Variants in TAFA5 observed in about 807,000 individuals in gnomAD.
TAFA5 encodes chemokine-like protein TAFA-5.
In TAFA5, 6 loss-of-function variants were observed where a neutral mutation model predicts 15.3. The observed-to-expected ratio is 0.39, with a 90% confidence interval of 0.21 to 0.77. The LOEUF (loss-of-function observed/expected upper bound fraction) is 0.77. Among genes scored for constraint, TAFA5 ranks in the 30% least tolerant of loss-of-function variants. TAFA5 has a pLI of 0.41. For synonymous variants in TAFA5, 103 were observed against 80.7 expected, an observed-to-expected ratio of 1.28 and a Z score of -1.48; for missense variants, 161 against 193.1, an observed-to-expected ratio of 0.83 and a Z score of 0.98.
intron 1 of TAFA5, among the ~76,000 whole-genome samples, chr22:48,496,229 G>A (rs2147093109): frequency 6.6e-6 from 1 of 152,296 alleles, no homozygotes; most frequent in East Asian, 1.9e-4. Flanking sequence ...GTTTTGGGCT[G>A]TGAGCTTGGG....
At position 48,646,658 on chromosome 22, in the gene TAFA5, G is replaced by T. The variant is rs766249919; in HGVS notation, c.174G>T (p.Arg58=). ...VTLDRDSSQP[R]RTIARQTARC... is the part of the protein sequence containing the mutation. ...TGGACCGGGACAGCAGCCAGCCTCGGAGGACGATCGCCCGGCAGACCGCCC... is the reference window on the plus strand; with the variant it reads ...TGGACCGGGACAGCAGCCAGCCTCGTAGGACGATCGCCCGGCAGACCGCCC... Residue 58 remains arginine (R), a synonymous_variant, in exon 2 of 4, where the codon CGG becomes CGT. Coordinates refer to ENST00000402357, the MANE Select transcript of TAFA5 (RefSeq NM_001082967.3). 2.5e-6 allele frequency: 4 copies of T among 1,612,228 alleles called. No homozygotes were observed. The highest frequency in any genetic ancestry group is 3.3e-5 in the Admixed American group (2 of 60,002).
intron 1 of TAFA5, among the ~76,000 whole-genome samples, chr22:48,504,220 G>C (rs1920971892): frequency 6.6e-6 from 1 of 152,238 alleles, no homozygotes; most frequent in Non-Finnish European, 1.5e-5. Context: ...TTGTGGCTCA[G>C]AGATAACCCA....
intron 1 of TAFA5, among the ~76,000 whole-genome samples, chr22:48,581,851 T>C (rs990883130): frequency 2.6e-5 from 4 of 152,166 alleles, no homozygotes; most frequent in African/African-American, 9.7e-5. Flanking sequence ...GGCAGTGGTG[T>C]TCCTGTGTTC....
At chr22:48,546,519 G>A (rs142486751) in intron 1 of TAFA5, 3 of 471,208 alleles carry the variant, frequency 6.4e-6, no homozygotes, top group African/African-American at 6.0e-5. Context: ...TCACCTGGCT[G>A]GGCAGCCCGC....
chr22:48,612,004 G>A (rs940132974), intron 1 of TAFA5, among the ~76,000 whole-genome samples: 22 of 152,256 alleles, frequency 1.4e-4, no homozygotes, highest in African/African-American at 4.8e-4. Flanking sequence ...TTCCTCACCT[G>A]TAATATAATG....
At chr22:48,739,407 G>C (rs1024358151) in intron 3 of TAFA5, among the ~76,000 whole-genome samples, 1 of 152,138 alleles carries the variant, frequency 6.6e-6, no homozygotes, top group Non-Finnish European at 1.5e-5. Context: ...TTCCTTTCCA[G>C]GGCCCTGGCA....
chr22:48,622,748 G>C (rs1201762906), intron 1 of TAFA5, among the ~76,000 whole-genome samples: 1 of 152,256 alleles, frequency 6.6e-6, no homozygotes, highest in Non-Finnish European at 1.5e-5. Flanking sequence ...AGCCCACGCT[G>C]CAGGCTCAGC....
intron 1 of TAFA5, among the ~76,000 whole-genome samples, chr22:48,503,489 A>G (rs1472815649): frequency 6.6e-6 from 1 of 152,216 alleles, no homozygotes; most frequent in Admixed American, 6.5e-5. Flanking sequence ...ACATGGAGGA[A>G]AGAGCAAAAC....
chr22:48,541,801 G>A (rs899638815), intron 1 of TAFA5, among the ~76,000 whole-genome samples: 3 of 152,170 alleles, frequency 2.0e-5, no homozygotes, highest in Admixed American at 1.3e-4. Flanking sequence ...GCCAGGCTCC[G>A]GGTCTTGAGT....
intron 1 of TAFA5, among the ~76,000 whole-genome samples, chr22:48,641,543 C>A (rs1403784475): frequency 1.3e-5 from 2 of 150,540 alleles, no homozygotes; most frequent in African/African-American, 4.9e-5. Context: ...TGCACTCCCT[C>A]CCCTCGCACA....
intron 1 of TAFA5, among the ~76,000 whole-genome samples, chr22:48,637,623 G>A (rs1307884600): frequency 3.3e-5 from 5 of 152,174 alleles, no homozygotes; most frequent in South Asian, 2.1e-4. Context: ...TGCTGGTCTC[G>A]TATCTGTAAT....
chr22:48,518,762 C>G (rs1170613506), intron 1 of TAFA5, among the ~76,000 whole-genome samples: 2 of 152,202 alleles, frequency 1.3e-5, no homozygotes, highest in Non-Finnish European at 2.9e-5. Flanking sequence ...TCCAGCCCAG[C>G]TTTCCGGAGT....
chr22:48,582,620 TACACCAC>T (rs1373990002), intron 1 of TAFA5, among the ~76,000 whole-genome samples: 4 of 92,206 alleles, frequency 4.3e-5, no homozygotes, highest in Admixed American at 1.1e-4. Flanking sequence ...ACACACAAAA[TACACCAC>T]ACACCACACA....
intron 1 of TAFA5, among the ~76,000 whole-genome samples, chr22:48,621,406 C>A (rs1170941673): frequency 6.6e-6 from 1 of 151,938 alleles, no homozygotes; most frequent in Non-Finnish European, 1.5e-5. Context: ...GTGCTCCATC[C>A]ATGGCATCAG....
chr22:48,690,141 G>T (rs1488027780), intron 2 of TAFA5, among the ~76,000 whole-genome samples: 2 of 152,038 alleles, frequency 1.3e-5, no homozygotes, highest in Non-Finnish European at 2.9e-5. Context: ...TGCATGGAAA[G>T]ATGCTCATAA....
chr22:48,517,915 G>T (rs1601844611), intron 1 of TAFA5, among the ~76,000 whole-genome samples: 3 of 152,348 alleles, frequency 2.0e-5, no homozygotes, highest in Non-Finnish European at 1.5e-5. Context: ...GCGCTCACAT[G>T]TGACGGTGCG....
At chr22:48,619,736 G>A (rs1404198061) in intron 1 of TAFA5, among the ~76,000 whole-genome samples, 1 of 152,240 alleles carries the variant, frequency 6.6e-6, no homozygotes, top group Non-Finnish European at 1.5e-5. Context: ...CAGCATGGGC[G>A]TCACGCTGCC....
intron 3 of TAFA5, among the ~76,000 whole-genome samples, chr22:48,740,814 G>T (rs1930158900): frequency 6.6e-6 from 1 of 152,186 alleles, no homozygotes; most frequent in African/African-American, 2.4e-5. Context: ...CCCCCGGCAG[G>T]CCTCACAATT....
intron 1 of TAFA5, among the ~76,000 whole-genome samples, chr22:48,575,727 G>C (rs983132928): frequency 5.5e-5 from 8 of 145,460 alleles, no homozygotes; most frequent in African/African-American, 1.7e-4. Context: ...GGCCGGCACC[G>C]TCCGGTGGGG....
Sources: gnomAD v4.1 joint callset for allele counts (sites outside exome capture counted in the v4.1 genomes callset) on GRCh38, gnomAD v4.1.1 for gene constraint, MANE v1.5 for transcripts, NCBI Gene and HGNC (gene_info 2026-07-23, HGNC 2026-07-21) for gene names.